DCDC1: variants seen among roughly 807,000 people sequenced by gnomAD.
DCDC1 encodes doublecortin domain containing 1, also known as doublecortin domain-containing protein 1.
Under a neutral mutation model 178.3 loss-of-function variants are expected in DCDC1, and 200 were observed. The observed-to-expected ratio is 1.12, with a 90% CI of 1.00 to 1.26. The LOEUF (loss-of-function observed/expected upper bound fraction) is 1.26, where lower values mean the gene tolerates loss of function less well. Ranked by LOEUF, DCDC1 falls within the 50% of genes most tolerant of loss-of-function variation. The pLI is 0.00. For synonymous variants in DCDC1, 690 were observed against 604.8 expected (o/e 1.14, Z -2.07); for missense variants, 1,983 against 1,749.2 (o/e 1.13, Z -2.38).
At chr11:31,299,732 G>A (rs1947957490) in intron 6 of DCDC1, among the ~76,000 whole-genome samples, 2 of 152,120 alleles carry the variant, frequency 1.3e-5, no homozygotes, top group African/African-American at 4.8e-5. Flanking sequence ...AGAGAGGATG[G>A]AGCAAAAGAA....
chr11:31,006,301 T>C (rs769660509), intron 20 of DCDC1, among the ~76,000 whole-genome samples: 2 of 152,176 alleles, frequency 1.3e-5, no homozygotes, highest in African/African-American at 2.4e-5. Flanking sequence ...CTACTTCCCT[T>C]TCCTCCTAAA....
In DCDC1 at chr11:31,102,166, T is replaced by C; in HGVS notation, c.1983+11A>G. On this transcript the variant is annotated intron_variant, in intron 15 of 38. Coordinates refer to ENST00000684477, the MANE Select transcript of DCDC1 (RefSeq NM_001387274.1). ...AGTGCACCTTTTAAAGTACAATAACTAAAATCCCACCTTGTTCTGTAGAAA... is the reference window on the plus strand; with the variant it reads ...AGTGCACCTTTTAAAGTACAATAACCAAAATCCCACCTTGTTCTGTAGAAA... 1.5e-6 allele frequency: 1 copy of C among 680,698 alleles called. No individual in the cohort carries two copies. Among genetic ancestry groups the C allele is most frequent in the Non-Finnish European group, 2.7e-6 (1 of 367,474 alleles). 42.2% of individuals were successfully genotyped at this position (680,698 alleles called of 1,614,324 possible).
At chr11:31,085,906 T>A (rs1590992241) in intron 17 of DCDC1, among the ~76,000 whole-genome samples, 1 of 152,174 alleles carries the variant, frequency 6.6e-6, no homozygotes, top group African/African-American at 2.4e-5. Flanking sequence ...ATTTTTAATT[T>A]TTGTAGACAC....
At position 31,152,990 on chromosome 11, in the gene DCDC1, A is replaced by G. The variant is rs1406428999; in HGVS notation, c.1222-15206T>C. ...CCATCTATCTCTACATATTGTTGCC[A>G]TAAGGGAATACAGACTCTAAAGTTT... On this transcript the variant is annotated intron_variant, in intron 9 of 38. Transcript: ENST00000684477. Among the ~76,000 whole-genome samples, 3 of 152,330 alleles carry G rather than the reference A, an allele frequency of 2.0e-5. No homozygotes were observed. In the East Asian group the frequency reaches 5.8e-4, roughly 29 times the overall value.
intron 11 of DCDC1, among the ~76,000 whole-genome samples, chr11:31,116,061 A>G (rs1959910670): frequency 6.7e-6 from 1 of 149,304 alleles, no homozygotes; most frequent in South Asian, 2.1e-4. Flanking sequence ...CACACACATG[A>G]TAGGTCAGAG....
chr11:31,094,022 C>T (rs373423731), intron 16 of DCDC1, 28 bp downstream of exon 16: 6 of 760,150 alleles, frequency 7.9e-6, no homozygotes, highest in South Asian at 1.3e-5. Flanking sequence ...GGGGAGGTCA[C>T]TCAGCAAAAG....
chr11:31,070,908 A>T (rs532245059), intron 18 of DCDC1, among the ~76,000 whole-genome samples: 32 of 152,288 alleles, frequency 2.1e-4, no homozygotes, highest in African/African-American at 6.5e-4. Context: ...TTTCACCTGG[A>T]ATTTTAAACT....
intron 9 of DCDC1, among the ~76,000 whole-genome samples, chr11:31,145,314 G>T (rs1176796082): frequency 6.6e-6 from 1 of 152,196 alleles, no homozygotes; most frequent in Non-Finnish European, 1.5e-5. Flanking sequence ...TTGTCTGGAT[G>T]ATGGAGTCCA....
At chr11:31,027,985 T>C (rs1953350623) in intron 20 of DCDC1, among the ~76,000 whole-genome samples, 1 of 151,800 alleles carries the variant, frequency 6.6e-6, no homozygotes, top group South Asian at 2.1e-4. Flanking sequence ...GTACCTATTA[T>C]TACACTCAAG....
At chr11:30,888,713 G>T (rs532418494) in intron 36 of DCDC1, among the ~76,000 whole-genome samples, 3 of 152,108 alleles carry the variant, frequency 2.0e-5, no homozygotes, top group African/African-American at 7.2e-5. Context: ...GTGGAACTCC[G>T]TGTCAAAAGG....
chr11:31,171,761 AT>A (rs1347760888), intron 9 of DCDC1, among the ~76,000 whole-genome samples: 1 of 152,234 alleles, frequency 6.6e-6, no homozygotes, highest in Non-Finnish European at 1.5e-5. Flanking sequence ...AGCCTAATAT[AT>A]TGGCAAAGAG....
chr11:30,951,113 T>C (rs917530564), intron 21 of DCDC1, among the ~76,000 whole-genome samples: 1 of 152,094 alleles, frequency 6.6e-6, no homozygotes, highest in African/African-American at 2.4e-5. Flanking sequence ...TTCTGCAAGA[T>C]GCCAATCCAC....
intron 20 of DCDC1, among the ~76,000 whole-genome samples, chr11:30,968,707 C>A (rs1307215042): frequency 2.2e-3 from 66 of 29,394 alleles, no homozygotes; most frequent in African/African-American, 4.6e-3. Context: ...ATATATATAT[C>A]AAATTATATA....
In DCDC1 at chr11:31,349,704, C is replaced by T. The variant is rs575782658; in HGVS notation, c.-124-14140G>A. Among the ~76,000 whole-genome samples, 5 of 152,006 alleles carry T rather than the reference C, an allele frequency of 3.3e-5. No homozygotes were observed. In the East Asian group the frequency reaches 9.7e-4, roughly 29 times the overall value. ...CAAAGGTGTGGCCATATTAAATATA[C>T]AGTTCATATACATGGCTGTTTGTGG... is the stretch of plus-strand genomic sequence containing the variant. On this transcript the variant is annotated intron_variant, in intron 1 of 38. Coordinates refer to ENST00000684477, the MANE Select transcript of DCDC1 (RefSeq NM_001387274.1).
chr11:30,898,793 G>A (rs946436894), intron 34 of DCDC1, among the ~76,000 whole-genome samples: 1 of 152,154 alleles, frequency 6.6e-6, no homozygotes, highest in African/African-American at 2.4e-5. Flanking sequence ...ATTTATTGAA[G>A]CAAGATTCAT....
chr11:31,353,256 T>A (rs1479588524), intron 1 of DCDC1, among the ~76,000 whole-genome samples: 1 of 152,208 alleles, frequency 6.6e-6, no homozygotes, highest in Non-Finnish European at 1.5e-5. Context: ...AAATTCTTCA[T>A]CCAAGTTGGT....
intron 20 of DCDC1, among the ~76,000 whole-genome samples, chr11:31,043,348 G>A (rs1480705807): frequency 6.6e-6 from 1 of 152,164 alleles, no homozygotes; most frequent in African/African-American, 2.4e-5. Context: ...ATCTGAGAAA[G>A]TTTAAGAGAC....
At chr11:30,993,888 C>G (rs1438842827) in intron 20 of DCDC1, among the ~76,000 whole-genome samples, 1 of 152,020 alleles carries the variant, frequency 6.6e-6, no homozygotes. Flanking sequence ...AAGAATAATA[C>G]CAATGCTATA....
At chr11:30,935,041 C>T (rs936059930) in intron 21 of DCDC1, among the ~76,000 whole-genome samples, 8 of 152,192 alleles carry the variant, frequency 5.3e-5, no homozygotes, top group African/African-American at 1.7e-4. Context: ...CAGCCCCTAA[C>T]CCATATACCT....
Sources: allele counts gnomAD v4.1 joint callset (sites outside exome capture counted in the v4.1 genomes callset), GRCh38; gene constraint gnomAD v4.1.1; transcripts MANE v1.5; gene names NCBI Gene and HGNC (gene_info 2026-07-23, HGNC 2026-07-21).